Variants in MBD5 observed in about 807,000 individuals in gnomAD.
The protein encoded by MBD5 is methyl-CpG binding domain protein 5.
MBD5 carries 13 observed loss-of-function variants against 117.3 expected under a neutral mutation model. That is an observed-to-expected ratio of 0.11 (90% CI 0.07 to 0.18). The LOEUF (loss-of-function observed/expected upper bound fraction) is 0.18. Ranked by LOEUF, MBD5 falls within the 10% of genes least tolerant of loss-of-function variation. MBD5 has a pLI of 1.00. For synonymous variants in MBD5, 727 were observed against 766.4 expected, an observed-to-expected ratio of 0.95 and a Z score of 0.85; for missense variants, 1,879 against 2,093.8, an observed-to-expected ratio of 0.90 and a Z score of 2.00.
chr2:148,402,624 A>G (rs1704958158), intron 4 of MBD5, among the ~76,000 whole-genome samples: 1 of 152,206 alleles, frequency 6.6e-6, no homozygotes, highest in Admixed American at 6.5e-5. Context: ...ATAATGCAGT[A>G]TATACTCTTT....
intron 4 of MBD5, among the ~76,000 whole-genome samples, chr2:148,412,733 T>A (rs1480777624): frequency 6.6e-6 from 1 of 152,180 alleles, no homozygotes; most frequent in Non-Finnish European, 1.5e-5. Flanking sequence ...TGAATGGGAT[T>A]GTGTTCCTGA....
intron 3 of MBD5, chr2:148,260,733 A>G (rs1700712077): frequency 5.7e-6 from 1 of 175,144 alleles, no homozygotes; most frequent in South Asian, 1.3e-4. Context: ...TGGCATCTAG[A>G]ATGGTAAATC....
chr2:148,315,395 A>G (rs1702135778), intron 3 of MBD5, among the ~76,000 whole-genome samples: 1 of 152,210 alleles, frequency 6.6e-6, no homozygotes, highest in South Asian at 2.1e-4. Flanking sequence ...ACTCCAAAAT[A>G]CATCTGTTTG....
rs147317914 is a variant in MBD5, at chr2:148,160,994, T to A, written c.-924-17706T>A. Among the ~76,000 whole-genome samples the A allele has an allele frequency of 2.0e-4, 31 of 152,340 alleles. No homozygotes were observed. The East Asian group carries it at 6.0e-3, about 29-fold the overall frequency. On this transcript the variant is annotated intron_variant, in intron 1 of 13. Transcript: ENST00000642680. ...GAATTATGGGAGAAGACTCATTTTC[T>A]TGCACATACTGCCTTCTACCTTTTC...
At chr2:148,358,765 G>T (rs10208839) in intron 4 of MBD5, among the ~76,000 whole-genome samples, 112,474 of 151,870 alleles carry the variant, frequency 0.74, 42,402 homozygotes, top group African/African-American at 0.89. Context: ...CACTCCAGCC[G>T]GGGTGACAAG....
chr2:148,376,822 T>A (rs1211763481), intron 4 of MBD5, among the ~76,000 whole-genome samples: 2 of 93,542 alleles, frequency 2.1e-5, no homozygotes, highest in African/African-American at 8.0e-5. Flanking sequence ...ATAATTTATA[T>A]AATATATATA....
chr2:148,083,488 C>G (rs1003070407), intron 1 of MBD5, among the ~76,000 whole-genome samples: 1 of 151,700 alleles, frequency 6.6e-6, no homozygotes, highest in Admixed American at 6.6e-5. Flanking sequence ...ATGGTCCATC[C>G]AAAATATAAT....
At chr2:148,341,150 C>T (rs1253979176) in intron 3 of MBD5, among the ~76,000 whole-genome samples, 1 of 151,946 alleles carries the variant, frequency 6.6e-6, no homozygotes, top group African/African-American at 2.4e-5. Flanking sequence ...TAGTTGCTTT[C>T]CCCTGTCATC....
At chr2:148,409,472 A>T (rs1228159246) in intron 4 of MBD5, among the ~76,000 whole-genome samples, 2 of 151,658 alleles carry the variant, frequency 1.3e-5, no homozygotes, top group African/African-American at 4.8e-5. Context: ...GGAGGGAGGG[A>T]GGAAGGATTG....
intron 2 of MBD5, among the ~76,000 whole-genome samples, chr2:148,223,177 G>A (rs1258134225): frequency 6.6e-6 from 1 of 151,974 alleles, no homozygotes; most frequent in African/African-American, 2.4e-5. Flanking sequence ...CTAGTATTTT[G>A]TTGAGGATTT....
chr2:148,499,397 A>T (rs192024640), intron 11 of MBD5, among the ~76,000 whole-genome samples: 1 of 152,328 alleles, frequency 6.6e-6, no homozygotes, highest in East Asian at 1.9e-4. Flanking sequence ...TTCTTAAATG[A>T]CATGAGTAAA....
At chr2:148,478,558 AAAAAG>A (rs904278096) in intron 8 of MBD5, among the ~76,000 whole-genome samples, 5 of 152,238 alleles carry the variant, frequency 3.3e-5, no homozygotes, top group East Asian at 1.9e-4. Flanking sequence ...ACTCCATCTC[AAAAAG>A]AAAAGAAAAG....
At chr2:148,240,274 G>T (rs929874133) in intron 3 of MBD5, among the ~76,000 whole-genome samples, 1 of 152,164 alleles carries the variant, frequency 6.6e-6, no homozygotes, top group Non-Finnish European at 1.5e-5. Flanking sequence ...TCGTGAGGCA[G>T]GGGGAGGGGG....
chr2:148,050,583 A>G (rs1422093341), intron 1 of MBD5, among the ~76,000 whole-genome samples: 2 of 151,926 alleles, frequency 1.3e-5, no homozygotes, highest in African/African-American at 4.8e-5. Context: ...TTCTTTTGTT[A>G]CTTTAACTTT....
At chr2:148,358,215 AT>A (rs1363125673) in intron 4 of MBD5, among the ~76,000 whole-genome samples, 1 of 152,270 alleles carries the variant, frequency 6.6e-6, no homozygotes, top group East Asian at 1.9e-4. Flanking sequence ...GGCAAAAAAA[AT>A]GGCCAGAGGA....
chr2:148,426,943 A>G (rs575354952), intron 4 of MBD5, among the ~76,000 whole-genome samples: 1 of 152,318 alleles, frequency 6.6e-6, no homozygotes, highest in East Asian at 1.9e-4. Context: ...ATGAACTCAA[A>G]CAAATTTACA....
chr2:148,280,141 A>AAC (rs1701211427), intron 3 of MBD5, among the ~76,000 whole-genome samples: 1 of 150,704 alleles, frequency 6.6e-6, no homozygotes, highest in Admixed American at 6.6e-5. Context: ...CAAAAAAAAA[A>AAC]AAAAAAAAAC....
intron 4 of MBD5, among the ~76,000 whole-genome samples, chr2:148,364,961 G>A (rs898649737): frequency 6.6e-6 from 1 of 152,106 alleles, no homozygotes; most frequent in Non-Finnish European, 1.5e-5. Flanking sequence ...TATTCAGGAC[G>A]TGAACTCAGC....
chr2:148,144,526 C>G (rs58396168), intron 1 of MBD5, among the ~76,000 whole-genome samples: 1,643 of 152,236 alleles, frequency 0.011, 37 homozygotes, highest in African/African-American at 0.037. Flanking sequence ...CTTGCCCATG[C>G]CTATGTCCTG....
Sources: allele counts gnomAD v4.1 joint callset (sites outside exome capture counted in the v4.1 genomes callset), GRCh38; gene constraint gnomAD v4.1.1; transcripts MANE v1.5; gene names NCBI Gene and HGNC (gene_info 2026-07-23, HGNC 2026-07-21).